The following AK3 variants were observed in gnomAD, a reference collection of about 807,000 sequenced individuals.
AK3 encodes the protein adenylate kinase 3.
AK3 carries 27 observed loss-of-function variants against 23.7 expected under a neutral mutation model. The ratio of observed to expected loss-of-function variants is 1.14; its 90% CI spans 0.84 to 1.57. The LOEUF (loss-of-function observed/expected upper bound fraction) is 1.57. Among genes scored for constraint, AK3 ranks in the 40% most tolerant of loss-of-function variants. The pLI is 0.00. For missense variants in AK3, 406 were observed against 285.6 expected (o/e 1.42, Z -3.04); for synonymous variants, 159 against 116.0 (o/e 1.37, Z -2.38).
intron 1 of AK3, among the ~76,000 whole-genome samples, chr9:4,723,935 G>C (rs1031967727): frequency 6.6e-6 from 1 of 151,028 alleles, no homozygotes; most frequent in Non-Finnish European, 1.5e-5. Flanking sequence ...CCTAACTGTT[G>C]GTATGAATTG....
chr9:4,722,403 C>T (rs184922072), intron 2 of AK3, 103 bp downstream of exon 2: 2 of 1,543,410 alleles, frequency 1.3e-6, no homozygotes, highest in East Asian at 4.5e-5. Flanking sequence ...CCCCTCTCCC[C>T]AAACCACCAT....
intron 1 of AK3, among the ~76,000 whole-genome samples, chr9:4,732,087 A>C (rs1308398076): frequency 1.3e-5 from 2 of 151,434 alleles, no homozygotes; most frequent in Admixed American, 6.6e-5. Context: ...GTAGCTGGGA[A>C]AACAGGCACA....
intron 1 of AK3, among the ~76,000 whole-genome samples, chr9:4,734,168 G>T (rs1031479446): frequency 6.6e-6 from 1 of 152,182 alleles, no homozygotes; most frequent in African/African-American, 2.4e-5. Context: ...AAGAGGAGGA[G>T]GAGACATCAG....
At chr9:4,717,747 T>C (rs1031015839) in intron 4 of AK3, among the ~76,000 whole-genome samples, 1 of 152,248 alleles carries the variant, frequency 6.6e-6, no homozygotes, top group Non-Finnish European at 1.5e-5. Flanking sequence ...GGCTTTGTGT[T>C]AGATGATTTC....
Position 4,719,025 on chromosome 9 carries a change from C to T in AK3, c.444+110G>A, listed in dbSNP as rs1841816796. The stretch of plus-strand genomic sequence containing the variant: ...CTCTACCAAGTAACCTGAGAATATA[C>T]CCTCAGGAGTTTTGGTCAGAGGATT... On this transcript the variant is annotated intron_variant, in intron 3 of 4. Coordinates refer to ENST00000381809, the MANE Select transcript of AK3 (RefSeq NM_016282.4). 7 of 1,218,760 alleles carry T rather than the reference C, an allele frequency of 5.7e-6. No homozygotes were observed. In the South Asian group the frequency reaches 9.9e-5, roughly 17 times the overall value. 75.5% of individuals were successfully genotyped at this position (1,218,760 alleles called of 1,614,324 possible). A position where few individuals can be genotyped will look rare whatever the true frequency, so the allele number is the denominator to read the frequency against.
chr9:4,719,718 G>T (rs986528679), intron 2 of AK3, among the ~76,000 whole-genome samples: 4 of 152,048 alleles, frequency 2.6e-5, no homozygotes, highest in Admixed American at 2.0e-4. Flanking sequence ...CTCTAACTGG[G>T]ACACAGGACT....
intron 1 of AK3, among the ~76,000 whole-genome samples, chr9:4,727,487 C>T (rs1587649985): frequency 6.6e-6 from 1 of 152,292 alleles, no homozygotes; most frequent in East Asian, 1.9e-4. Flanking sequence ...CTGCTAGCTT[C>T]AAATTTTTAT....
rs548052797 is a variant in AK3 at position 4,714,532 on chromosome 9, G to T, written c.564-1436C>A. Among the ~76,000 whole-genome samples the T allele has an allele frequency of 3.2e-4, 48 of 152,266 alleles. 1 individual carries two copies. The highest frequency in any genetic ancestry group is 1.1e-3 in the African/African-American group (45 of 41,556). On this transcript the variant is annotated intron_variant, in intron 4 of 4. Coordinates refer to ENST00000381809, the MANE Select transcript of AK3 (RefSeq NM_016282.4). ...CACTGGCACCTGGTACTGCTTTCAA[G>T]GGAACAAGCTTCTTAACTGTTGTAA... is the stretch of plus-strand genomic sequence containing the variant.
intron 1 of AK3, among the ~76,000 whole-genome samples, chr9:4,734,522 A>C (rs934113181): frequency 1.3e-5 from 2 of 152,226 alleles, no homozygotes; most frequent in African/African-American, 4.8e-5. Context: ...GGACAGATGG[A>C]TGAAGAGATG....
At chr9:4,728,876 C>CACAG (rs1554627000) in intron 1 of AK3, among the ~76,000 whole-genome samples, 23 of 51,044 alleles carry the variant, frequency 4.5e-4, no homozygotes, top group African/African-American at 9.8e-4. Context: ...TACACACACA[C>CACAG]ACACACATAC....
chr9:4,715,321 A>G (rs1841696043), intron 4 of AK3, among the ~76,000 whole-genome samples: 1 of 151,888 alleles, frequency 6.6e-6, no homozygotes, highest in African/African-American at 2.4e-5. Flanking sequence ...AAGACTTCTA[A>G]AATATCTCCT....
chr9:4,741,352 CGCAA>C (rs1842430851), upstream of AK3: 1 of 338,430 alleles, frequency 3.0e-6, no homozygotes, highest in Non-Finnish European at 5.3e-6. Flanking sequence ...GCGCAAGCCG[CGCAA>C]GCCGCGCCCC....
chr9:4,730,426 A>C (rs1316462059), intron 1 of AK3, among the ~76,000 whole-genome samples: 1 of 152,176 alleles, frequency 6.6e-6, no homozygotes, highest in Non-Finnish European at 1.5e-5. Flanking sequence ...TCATAGTCTG[A>C]TCACTACTCA....
At chr9:4,725,115 C>T (rs1442039805) in intron 1 of AK3, among the ~76,000 whole-genome samples, 2 of 151,408 alleles carry the variant, frequency 1.3e-5, no homozygotes, top group Non-Finnish European at 2.9e-5. Context: ...CTCCCCCCTC[C>T]CAGGTTCAAG....
chr9:4,728,242 C>G (rs1302864686), intron 1 of AK3, among the ~76,000 whole-genome samples: 2 of 152,172 alleles, frequency 1.3e-5, no homozygotes, highest in Non-Finnish European at 2.9e-5. Flanking sequence ...AGATACAGTA[C>G]CTGTGAAGCA....
chr9:4,741,286 C>T (rs1842428255), upstream of AK3: 2 of 476,096 alleles, frequency 4.2e-6, no homozygotes, highest in Middle Eastern at 5.8e-4. Flanking sequence ...GCGTCCGCCT[C>T]TCGGCTACCC....
chr9:4,723,949 T>C (rs971573546), intron 1 of AK3, among the ~76,000 whole-genome samples: 1 of 149,124 alleles, frequency 6.7e-6, no homozygotes, highest in African/African-American at 2.6e-5. Context: ...TGAATTGCCA[T>C]ACTGACCCCA....
In AK3 at chr9:4,741,098, T is replaced by G. The variant is rs2130923230; in HGVS notation, c.-11A>C. On this transcript the variant is annotated 5_prime_UTR_variant, in exon 1 of 5. Transcript: ENST00000381809. ...CGCGGACGCCCCCATGGCCGCAGAC[T>G]GAGGCCCGCACCGCGCGGGTACCAG... 1 of 1,523,492 alleles carries G rather than the reference T, an allele frequency of 6.6e-7. No individual in the cohort carries two copies. The highest frequency in any genetic ancestry group is 2.7e-5 in the East Asian group (1 of 37,388). 94.4% of individuals were successfully genotyped at this position (1,523,492 alleles called of 1,614,324 possible). A position where few individuals can be genotyped will look rare whatever the true frequency, so the allele number is the denominator to read the frequency against.
At chr9:4,717,853 T>G (rs116334712) in intron 4 of AK3, among the ~76,000 whole-genome samples, 1 of 152,234 alleles carries the variant, frequency 6.6e-6, no homozygotes, top group Admixed American at 6.5e-5. Context: ...TTTATTAGGA[T>G]GTAATTTCAT....
Sources: allele counts gnomAD v4.1 joint callset (sites outside exome capture counted in the v4.1 genomes callset), GRCh38; gene constraint gnomAD v4.1.1; transcripts MANE v1.5; gene names NCBI Gene and HGNC (gene_info 2026-07-23, HGNC 2026-07-21).